Variants in PCDH9 observed in about 807,000 individuals in gnomAD.
PCDH9 encodes protocadherin 9.
Under a neutral mutation model 70.6 loss-of-function variants are expected in PCDH9, and 24 were observed. The observed-to-expected ratio is 0.34, with a 90% confidence interval of 0.25 to 0.48. The LOEUF is 0.48. Ranked by LOEUF, PCDH9 falls within the 20% of genes least tolerant of loss-of-function variation. The probability of loss-of-function intolerance (pLI) is 0.99; values close to 1 mark genes in which losing one functional copy is unlikely to be tolerated. For synonymous variants in PCDH9, 562 were observed against 558.5 expected, an observed-to-expected ratio of 1.01 and a Z score of -0.09; for missense variants, 1,281 against 1,503.6, an observed-to-expected ratio of 0.85 and a Z score of 2.45.
intron 4 of PCDH9, among the ~76,000 whole-genome samples, chr13:66,394,354 T>C (rs566674424): frequency 2.0e-4 from 31 of 152,322 alleles, no homozygotes; most frequent in African/African-American, 7.5e-4. Flanking sequence ...AAGAAGTTAA[T>C]ATTTATATCT....
intron 2 of PCDH9, among the ~76,000 whole-genome samples, chr13:66,956,742 T>A (rs1248760237): frequency 6.6e-6 from 1 of 152,160 alleles, no homozygotes; most frequent in African/African-American, 2.4e-5. Context: ...AGAGTGAGAA[T>A]CCATCTCAAA....
intron 3 of PCDH9, among the ~76,000 whole-genome samples, chr13:66,809,985 C>T (rs1018918976): frequency 1.3e-5 from 2 of 151,844 alleles, no homozygotes; most frequent in African/African-American, 4.8e-5. Flanking sequence ...AGCAATAAAA[C>T]AGGTACATGA....
At chr13:66,725,202 T>C (rs1245101077) in intron 3 of PCDH9, among the ~76,000 whole-genome samples, 1 of 152,160 alleles carries the variant, frequency 6.6e-6, no homozygotes, top group Non-Finnish European at 1.5e-5. Flanking sequence ...CAACAGCAAA[T>C]TCTGTTGGCT....
chr13:67,072,432 G>T lies in PCDH9; in HGVS notation c.3036+152973C>A, dbSNP rs531591433. 5.3e-5 allele frequency among the ~76,000 whole-genome samples: 8 copies of T among 152,126 alleles called. No individual in the cohort carries two copies. In the South Asian group the frequency reaches 1.5e-3, roughly 28 times the overall value. ...CCTCTTGACTGCCAATCACACTTCC[G>T]CATGACTATCCTTAAAAACACAGTT... is the stretch of plus-strand genomic sequence containing the variant. On this transcript the variant is annotated intron_variant, in intron 2 of 4. Transcript: ENST00000377865.
At chr13:67,075,198 C>T (rs2085854250) in intron 2 of PCDH9, among the ~76,000 whole-genome samples, 1 of 151,974 alleles carries the variant, frequency 6.6e-6, no homozygotes, top group South Asian at 2.1e-4. Flanking sequence ...TTCAATGTTT[C>T]TTTCTTTTGA....
Position 67,142,350 on chromosome 13 carries a change from T to C in PCDH9, c.3036+83055A>G, listed in dbSNP as rs139903088. On this transcript the variant is annotated intron_variant, in intron 2 of 4. Coordinates refer to ENST00000377865, the MANE Select transcript of PCDH9 (RefSeq NM_203487.3). ...AAAATTGTTCTACATAAAATACCTATGACAAAGGGCTCAAACTGACTCTAT... is the reference window on the plus strand; with the variant it reads ...AAAATTGTTCTACATAAAATACCTACGACAAAGGGCTCAAACTGACTCTAT... Among the ~76,000 whole-genome samples, 1,081 of 152,298 alleles carry C rather than the reference T, an allele frequency of 7.1e-3. 9 individuals carry two copies. Among genetic ancestry groups the C allele is most frequent in the Non-Finnish European group, 7.6e-3 (516 of 68,024 alleles).
intron 4 of PCDH9, among the ~76,000 whole-genome samples, chr13:66,377,056 C>T (rs1326951377): frequency 2.0e-5 from 3 of 152,036 alleles, no homozygotes; most frequent in Non-Finnish European, 2.9e-5. Context: ...GTAATAGGTA[C>T]GGAGAGAATT....
chr13:66,801,014 C>CT (rs34026647), intron 3 of PCDH9, among the ~76,000 whole-genome samples: 74,278 of 137,788 alleles, frequency 0.54, 20,453 homozygotes, highest in East Asian at 0.67. Context: ...TCTTTCTTTC[C>CT]TTTTTTTTTT....
rs576430941 is a variant in PCDH9 at position 66,754,590 on chromosome 13, T to C, written c.3139-123179A>G. Among the ~76,000 whole-genome samples the C allele has an allele frequency of 1.5e-4, 23 of 152,266 alleles. No individual in the cohort carries two copies. In the East Asian group the frequency reaches 4.3e-3, roughly 28 times the overall value. ...CAGGATATACCTAATCTATAGACGC[T>C]ATAGGAATTCTGAATTCTTGAGAAT... On this transcript the variant is annotated intron_variant, in intron 3 of 4. Coordinates refer to ENST00000377865, the MANE Select transcript of PCDH9 (RefSeq NM_203487.3).
At chr13:66,554,140 T>C (rs957650584) in intron 4 of PCDH9, among the ~76,000 whole-genome samples, 19 of 152,242 alleles carry the variant, frequency 1.2e-4, no homozygotes, top group African/African-American at 3.6e-4. Flanking sequence ...TTTAGAACCT[T>C]AACAACCCTT....
intron 3 of PCDH9, among the ~76,000 whole-genome samples, chr13:66,895,769 T>C (rs1185992606): frequency 6.6e-6 from 1 of 152,230 alleles, no homozygotes; most frequent in East Asian, 1.9e-4. Context: ...CAGATATTGA[T>C]TTACACCTGT....
chr13:66,883,262 G>A (rs1182179567), intron 3 of PCDH9, among the ~76,000 whole-genome samples: 1 of 152,006 alleles, frequency 6.6e-6, no homozygotes, highest in Non-Finnish European at 1.5e-5. Context: ...TTTAAACCTT[G>A]AACACAGCTG....
intron 2 of PCDH9, chr13:67,204,394 T>A (rs1429907641): frequency 1.3e-5 from 2 of 152,188 alleles, no homozygotes; most frequent in African/African-American, 4.8e-5. Flanking sequence ...ATTTGCCTTG[T>A]CTACTACATC....
chr13:67,142,651 T>C (rs1226811076), intron 2 of PCDH9, among the ~76,000 whole-genome samples: 1 of 152,034 alleles, frequency 6.6e-6, no homozygotes, highest in Admixed American at 6.6e-5. Context: ...AATAAATGAA[T>C]TCAAATAAAT....
At position 67,227,298 on chromosome 13, in the gene PCDH9, T is replaced by C; in HGVS notation, c.1143A>G (p.Thr381=). ...CTGAAACTGTAATTAGGGCAATCTT[T>C]GTATTGACAGGATCTTTCTCAGATA... ...VYLSEKDPVN[T]KIALITVSDK... Residue 381 remains threonine, a synonymous_variant, in exon 2 of 5, where the codon ACA becomes ACG. Coordinates refer to ENST00000377865, the MANE Select transcript of PCDH9 (RefSeq NM_203487.3). The surrounding 1 kb of genome is among the most constrained non-coding windows in gnomAD (Gnocchi z 4.6). The C allele has an allele frequency of 6.2e-7, 1 of 1,613,548 alleles. No individual in the cohort carries two copies. The highest frequency in any genetic ancestry group is 8.5e-7 in the Non-Finnish European group (1 of 1,179,486).
At chr13:66,857,288 G>A (rs2081410142) in intron 3 of PCDH9, among the ~76,000 whole-genome samples, 1 of 152,080 alleles carries the variant, frequency 6.6e-6, no homozygotes, top group Admixed American at 6.6e-5. Flanking sequence ...CACGTTTGAA[G>A]TTCAAAGGAC....
At chr13:66,878,473 C>T (rs991758856) in intron 3 of PCDH9, among the ~76,000 whole-genome samples, 8 of 152,048 alleles carry the variant, frequency 5.3e-5, no homozygotes, top group African/African-American at 1.4e-4. Flanking sequence ...GTGATCAGCC[C>T]GCCTTGGACT....
intron 4 of PCDH9, among the ~76,000 whole-genome samples, chr13:66,588,633 A>G (rs17495004): frequency 0.011 from 1,738 of 152,054 alleles, 17 homozygotes; most frequent in Non-Finnish European, 0.016. Context: ...CCTACAATCT[A>G]TTATACCTTG....
chr13:67,055,455 TTTTTGGCTTGATTCAAATAGAA>T (rs1445421941), intron 2 of PCDH9, among the ~76,000 whole-genome samples: 1 of 152,166 alleles, frequency 6.6e-6, no homozygotes, highest in Non-Finnish European at 1.5e-5. Context: ...CCCCTTAAGA[TTTTTGGCTTGATTCAAATAGAA>T]TTATGTATCC....
Sources: gnomAD v4.1 joint callset for allele counts (sites outside exome capture counted in the v4.1 genomes callset) on GRCh38, gnomAD v4.1.1 for gene constraint, Gnocchi (gnomAD v3.1) non-coding constraint, MANE v1.5 for transcripts, NCBI Gene and HGNC (gene_info 2026-07-23, HGNC 2026-07-21) for gene names.